The following TRRAP variants were observed in gnomAD, a reference collection of about 807,000 sequenced individuals.
The protein encoded by TRRAP is transformation/transcription domain associated protein, also known as transformation/transcription domain-associated protein.
TRRAP carries 41 observed loss-of-function variants against 438.8 expected under a neutral mutation model. The ratio of observed to expected loss-of-function variants is 0.09; its 90% confidence interval spans 0.07 to 0.12. TRRAP has a LOEUF of 0.12. Among genes scored for constraint, TRRAP ranks in the 10% least tolerant of loss-of-function variants. The pLI, the probability that TRRAP is intolerant of heterozygous loss-of-function variation, is 1.00. For missense variants in TRRAP, 3,122 were observed against 5,055.1 expected (o/e 0.62, Z 11.60); for synonymous variants, 1,994 against 1,962.9 (o/e 1.02, Z -0.42).
intron 45 of TRRAP, among the ~76,000 whole-genome samples, chr7:98,960,494 G>T (rs2116660047): frequency 6.6e-6 from 1 of 152,182 alleles, no homozygotes; most frequent in East Asian, 1.9e-4. Flanking sequence ...TGTTTCTTTG[G>T]TTTGTTTTTA....
At chr7:99,003,048 A>C (rs1296552186) in intron 67 of TRRAP, among the ~76,000 whole-genome samples, 1 of 152,188 alleles carries the variant, frequency 6.6e-6, no homozygotes, top group Non-Finnish European at 1.5e-5. Context: ...CTCAGCCAGC[A>C]TTCCATTTGG....
intron 46 of TRRAP, among the ~76,000 whole-genome samples, chr7:98,961,861 G>A (rs537173598): frequency 3.3e-5 from 5 of 152,224 alleles, no homozygotes; most frequent in Admixed American, 2.0e-4. Flanking sequence ...CAGAGGTTGC[G>A]GTGAGCCGAG....
At position 99,004,242 on chromosome 7, in the gene TRRAP, G is replaced by A. The variant is rs549463596; in HGVS notation, c.10362G>A (p.Lys3454=). ...GSMKLHNLIS[K]LKKWIKILEA... ...TGAAGCTTCATAATCTTATTTCTAA[G>A]TTGAAAAAGTGGATCAAAATCTTGG... The change falls in exon 68 of 73, where the codon AAG becomes AAA. Residue 3454 remains lysine (K), a synonymous_variant. Coordinates refer to ENST00000456197, the MANE Select transcript of TRRAP (RefSeq NM_001375524.1). 6.2e-7 allele frequency: 1 copy of A among 1,614,118 alleles called. No individual in the cohort carries two copies. Among genetic ancestry groups the A allele is most frequent in the Non-Finnish European group, 8.5e-7 (1 of 1,180,026 alleles).
At position 99,012,223 on chromosome 7, in the gene TRRAP, C is replaced by T. The variant is rs768797316; in HGVS notation, c.11490C>T (p.Thr3830=). 2.2e-5 allele frequency: 35 copies of T among 1,614,074 alleles called. No homozygotes were observed. The highest frequency in any genetic ancestry group is 3.3e-5 in the South Asian group (3 of 91,068). The change falls in exon 73 of 73, where the codon ACC becomes ACT. Residue 3830 remains threonine, a synonymous_variant. Transcript: ENST00000456197. The surrounding 1 kb of genome is among the most constrained non-coding windows in gnomAD (Gnocchi z 5.9). ...QLVSLVQKAV[T]AIMTRLHNLA... ...TGTCCCTGGTTCAGAAAGCCGTCACCGCCATCATGACCCGCCTGCACAACC... is the reference window on the plus strand; with the variant it reads ...TGTCCCTGGTTCAGAAAGCCGTCACTGCCATCATGACCCGCCTGCACAACC...
At chr7:98,934,049 G>A (rs1053040740) in intron 27 of TRRAP, among the ~76,000 whole-genome samples, 9 of 152,086 alleles carry the variant, frequency 5.9e-5, no homozygotes, top group African/African-American at 1.9e-4. Context: ...ACCCAAACAC[G>A]GACCCTGGCA....
intron 64 of TRRAP, 46 bp from the exon 65 acceptor site, chr7:98,992,091 G>T: frequency 6.3e-7 from 1 of 1,588,996 alleles, no homozygotes; most frequent in Non-Finnish European, 8.6e-7. Context: ...TTTATCCAGA[G>T]CTCAGCAGAG....
chr7:98,881,051 C>A, intron 1 of TRRAP, 39 bp from the exon 2 acceptor site: 2 of 863,360 alleles, frequency 2.3e-6, no homozygotes, highest in Non-Finnish European at 3.5e-6. Context: ...TGATCCTGTG[C>A]CCTCCATAAA....
At chr7:98,902,183 A>G (rs1232417388) in intron 11 of TRRAP, among the ~76,000 whole-genome samples, 1 of 152,210 alleles carries the variant, frequency 6.6e-6, no homozygotes, top group African/African-American at 2.4e-5. Context: ...TGTGGCAGCT[A>G]GGTGTGAGAG....
At chr7:98,890,805 TAA>T (rs67285594) in intron 4 of TRRAP, among the ~76,000 whole-genome samples, 3 of 115,468 alleles carry the variant, frequency 2.6e-5, no homozygotes, top group Non-Finnish European at 3.2e-5. Flanking sequence ...TTTTTTTTTT[TAA>T]AAGACAAGGT....
At chr7:98,980,872 C>G (rs1362821222) in intron 58 of TRRAP, among the ~76,000 whole-genome samples, 3 of 151,426 alleles carry the variant, frequency 2.0e-5, no homozygotes, top group African/African-American at 7.3e-5. Context: ...TGGGTAACAG[C>G]AAGACCCCCG....
chr7:98,985,649 C>T (rs1793117940), intron 62 of TRRAP, among the ~76,000 whole-genome samples: 1 of 152,208 alleles, frequency 6.6e-6, no homozygotes, highest in Admixed American at 6.5e-5. Flanking sequence ...GAGGTAGACT[C>T]ACAAGATGCT....
At position 98,922,024 on chromosome 7, in the gene TRRAP, T is replaced by A. The variant is rs1411767201; in HGVS notation, c.2823+71T>A. On this transcript the variant is annotated intron_variant, in intron 21 of 72. Coordinates refer to ENST00000456197, the MANE Select transcript of TRRAP (RefSeq NM_001375524.1). ...ACTATGTTTCAGTCTATGTGAAATG[T>A]TAATTAGACCTGTGTCTTAGGCAAT... The A allele has an allele frequency of 5.0e-6, 8 of 1,593,496 alleles. No homozygotes were observed. In the Admixed American group the frequency reaches 1.2e-4, roughly 24 times the overall value.
chr7:99,008,367 C>G lies in TRRAP; in HGVS notation c.10754-10C>G. 2.5e-6 allele frequency: 4 copies of G among 1,612,996 alleles called. No individual in the cohort carries two copies. Among genetic ancestry groups the G allele is most frequent in the Non-Finnish European group, 3.4e-6 (4 of 1,179,292 alleles). ...CTCAGCCTGCCCCGTTTCTCTTCCT[C>G]TCTCCCCAGTGCCCCGGGTTGTGGC... On this transcript the variant is annotated splice_polypyrimidine_tract_variant and intron_variant, in intron 69 of 72. Transcript: ENST00000456197.
At chr7:98,969,370 C>G (rs969232519) in intron 51 of TRRAP, among the ~76,000 whole-genome samples, 1 of 152,212 alleles carries the variant, frequency 6.6e-6, no homozygotes, top group Non-Finnish European at 1.5e-5. Flanking sequence ...ACTCTTGCCA[C>G]TCAGGCTAAT....
Position 99,011,686 on chromosome 7 carries a change from G to A in TRRAP, c.11337+151G>A. ...CTGTGTGTTATGTCCTTTGCTGTGA[G>A]GGCAAGGGATGGTTTTCTCTTTGGT... On this transcript the variant is annotated intron_variant, in intron 72 of 72. Transcript: ENST00000456197. This position sits in a 1 kb window ranked among gnomAD's most constrained non-coding sequence, Gnocchi z 7.1. The A allele has an allele frequency of 1.0e-6, 1 of 968,380 alleles. No homozygotes were observed. Among genetic ancestry groups the A allele is most frequent in the Non-Finnish European group, 1.5e-6 (1 of 670,546 alleles). The allele number at this position is 968,380 out of a possible 1,614,324, so 60.0% of individuals were successfully genotyped here. A position where few individuals can be genotyped will look rare whatever the true frequency, so the allele number is the denominator to read the frequency against.
At chr7:98,909,050 TC>T in intron 14 of TRRAP, 88 bp downstream of exon 14, 1 of 1,204,142 alleles carries the variant, frequency 8.3e-7, no homozygotes, top group Non-Finnish European at 1.1e-6. Context: ...TTGAGACAGA[TC>T]CTTGTTCTGT....
chr7:98,944,556 AT>A (rs1301518321), intron 31 of TRRAP, among the ~76,000 whole-genome samples: 1 of 151,966 alleles, frequency 6.6e-6, no homozygotes, highest in Non-Finnish European at 1.5e-5. Context: ...CTCAGAGGCT[AT>A]GGTGTTTGGG....
In TRRAP at chr7:98,935,731, G is replaced by T; in HGVS notation, c.4111+56G>T. 7 of 1,401,712 alleles carry T rather than the reference G, an allele frequency of 5.0e-6. No homozygotes were observed. The Admixed American group carries it at 1.4e-4, about 28-fold the overall frequency. The allele number at this position is 1,401,712 out of a possible 1,614,324, so 86.8% of individuals were successfully genotyped here. ...AGTGAAAGGAGACTGACCACAGGAG[G>T]TCTATAGAAAAAAAAAGTGGCCTTT... On this transcript the variant is annotated intron_variant, in intron 28 of 72. Transcript: ENST00000456197.
At chr7:98,890,283 A>G (rs985246448) in intron 3 of TRRAP, 52 bp from the exon 4 acceptor site, 32 of 1,217,206 alleles carry the variant, frequency 2.6e-5, no homozygotes, top group Middle Eastern at 4.0e-4. Flanking sequence ...TAAATTTGAA[A>G]TGAAAATACA....
Sources: allele counts gnomAD v4.1 joint callset (sites outside exome capture counted in the v4.1 genomes callset), GRCh38; gene constraint gnomAD v4.1.1; non-coding constraint Gnocchi (gnomAD v3.1); transcripts MANE v1.5; gene names NCBI Gene and HGNC (gene_info 2026-07-23, HGNC 2026-07-21).